DAB1: variants seen among roughly 807,000 people sequenced by gnomAD.
DAB1 encodes DAB adaptor protein 1, also known as disabled homolog 1.
Under a neutral mutation model 64.6 loss-of-function variants are expected in DAB1, and 15 were observed. The observed-to-expected ratio is 0.23, with a 90% confidence interval of 0.16 to 0.36. DAB1 has a LOEUF of 0.36. Ranked by LOEUF, DAB1 falls within the 10% of genes least tolerant of loss-of-function variation. The pLI is 1.00. For missense variants in DAB1, 596 were observed against 706.7 expected (o/e 0.84, Z 1.78); for synonymous variants, 235 against 251.9 (o/e 0.93, Z 0.64).
intron 1 of DAB1, among the ~76,000 whole-genome samples, chr1:57,326,707 G>A (rs112581687): frequency 9.2e-5 from 14 of 152,162 alleles, no homozygotes; most frequent in African/African-American, 2.6e-4. Flanking sequence ...ACTTTCTTCC[G>A]GTATCCTCAC....
At chr1:56,998,926 G>C (rs1415086640) in intron 14 of DAB1, among the ~76,000 whole-genome samples, 2 of 152,130 alleles carry the variant, frequency 1.3e-5, no homozygotes, top group African/African-American at 4.8e-5. Flanking sequence ...ATGTTGAGAT[G>C]GCTCATTGTG....
intron 2 of DAB1, among the ~76,000 whole-genome samples, chr1:57,222,211 A>G (rs1162445757): frequency 6.6e-6 from 1 of 152,214 alleles, no homozygotes; most frequent in Non-Finnish European, 1.5e-5. Context: ...CCAAGGGCAT[A>G]GTCTGTCCTT....
At chr1:58,032,169 A>AT (rs1646981876) in intron 5 of DAB1, among the ~76,000 whole-genome samples, 1 of 152,102 alleles carries the variant, frequency 6.6e-6, no homozygotes. Context: ...TGGAATCTGC[A>AT]TTTTAACAAG....
chr1:57,055,246 T>C (rs1373397411), intron 9 of DAB1, among the ~76,000 whole-genome samples: 1 of 152,192 alleles, frequency 6.6e-6, no homozygotes, highest in Non-Finnish European at 1.5e-5. Context: ...GTGGGTAGGA[T>C]TAATCCTTAT....
In DAB1 at chr1:57,683,385, A is replaced by T. The variant is rs533721539; in HGVS notation, n.552-33720T>A. ...CAGGAGTGAACCTGCTGAGTGGGTC[A>T]TCTCTCCCCACCCTCCACCACACAG... On this transcript the variant is annotated intron_variant and non_coding_transcript_variant, in intron 6 of 20. Coordinates refer to the DAB1 transcript ENST00000485760. 6.7e-4 allele frequency among the ~76,000 whole-genome samples: 102 copies of T among 152,264 alleles called. 3 individuals carry two copies. In the South Asian group the frequency reaches 0.02, roughly 30 times the overall value.
At chr1:58,246,966 A>G (rs1326060219) in intron 4 of DAB1, among the ~76,000 whole-genome samples, 1 of 152,004 alleles carries the variant, frequency 6.6e-6, no homozygotes, top group Non-Finnish European at 1.5e-5. Context: ...AGACGGCCAG[A>G]TGGTGAAAGG....
At chr1:58,269,109 A>T (rs1661248230) in intron 4 of DAB1, among the ~76,000 whole-genome samples, 1 of 149,930 alleles carries the variant, frequency 6.7e-6, no homozygotes, top group African/African-American at 2.4e-5. Flanking sequence ...GGTGCGCTGC[A>T]CCCACTAACT....
chr1:58,539,243 G>A (rs372256762), intron 1 of DAB1: 11 of 869,962 alleles, frequency 1.3e-5, no homozygotes, highest in East Asian at 2.4e-5. Flanking sequence ...GAATTAAATC[G>A]GAAGAAAACA....
chr1:57,938,083 T>C (rs1645053228), intron 5 of DAB1, among the ~76,000 whole-genome samples: 1 of 152,230 alleles, frequency 6.6e-6, no homozygotes. Context: ...AATCAGGTCC[T>C]ACTTTCATGG....
At chr1:57,498,895 T>C (rs954913538) in intron 7 of DAB1, among the ~76,000 whole-genome samples, 2 of 152,198 alleles carry the variant, frequency 1.3e-5, no homozygotes, top group African/African-American at 4.8e-5. Flanking sequence ...CGAATTGGTT[T>C]TGGCAAAGGA....
At chr1:57,830,025 T>G (rs11207120) in intron 1 of DAB1, among the ~76,000 whole-genome samples, 2,734 of 152,226 alleles carry the variant, frequency 0.018, 96 homozygotes, top group African/African-American at 0.064. Flanking sequence ...CACTCTACAC[T>G]CTCTCCTGCT....
chr1:57,725,120 C>T (rs1214908618), intron 6 of DAB1, among the ~76,000 whole-genome samples: 1 of 152,146 alleles, frequency 6.6e-6, no homozygotes, highest in African/African-American at 2.4e-5. Flanking sequence ...GTTCCCGACC[C>T]ATCATTTACT....
In DAB1 at chr1:57,639,980, C is replaced by A. The variant is rs149588444; in HGVS notation, n.625+9612G>T. ...AATAGTCAGGCTTTAGAGGCATGGG[C>A]TTTCTCTCTGGCATGTGAAGTTGGA... On this transcript the variant is annotated intron_variant and non_coding_transcript_variant, in intron 7 of 20. Transcript: ENST00000485760. Among the ~76,000 whole-genome samples, 140 of 152,248 alleles carry A rather than the reference C, an allele frequency of 9.2e-4. 1 individual carries two copies. The highest frequency in any genetic ancestry group is 3.2e-3 in the African/African-American group (135 of 41,548).
At chr1:57,107,916 A>C (rs1213541197) in intron 4 of DAB1, among the ~76,000 whole-genome samples, 2 of 152,132 alleles carry the variant, frequency 1.3e-5, no homozygotes, top group African/African-American at 4.8e-5. Context: ...TCATCTCTAA[A>C]TAGGGATAAT....
At chr1:58,313,819 A>ATGTGTGTGTGTGTGTG (rs35817738) in intron 4 of DAB1, among the ~76,000 whole-genome samples, 23 of 120,034 alleles carry the variant, frequency 1.9e-4, no homozygotes, top group African/African-American at 7.8e-4. Flanking sequence ...TTGTATCTTC[A>ATGTGTGTGTGTGTGTG]TGTGTGTGTG....
chr1:57,422,731 G>A (rs531903428), intron 1 of DAB1, among the ~76,000 whole-genome samples: 4 of 152,266 alleles, frequency 2.6e-5, no homozygotes, highest in Admixed American at 2.0e-4. Flanking sequence ...GGGGGTTGGG[G>A]GTAGTTCACA....
intron 5 of DAB1, among the ~76,000 whole-genome samples, chr1:58,015,894 G>A (rs1646731368): frequency 6.6e-6 from 1 of 152,110 alleles, no homozygotes. Context: ...TCTGCAAGGA[G>A]GACACAAGAA....
At chr1:58,411,786 G>A (rs145925669) in intron 3 of DAB1, among the ~76,000 whole-genome samples, 38 of 152,262 alleles carry the variant, frequency 2.5e-4, no homozygotes, top group African/African-American at 7.9e-4. Context: ...CTCCCAGCAC[G>A]GTAGTTACAG....
At chr1:57,062,743 G>T in intron 9 of DAB1, 141 bp downstream of exon 9, 1 of 689,028 alleles carries the variant, frequency 1.5e-6, no homozygotes, top group Non-Finnish European at 2.5e-6. Context: ...CACTGAAGAT[G>T]CCCCAGCATG....
Sources: gnomAD v4.1 joint callset for allele counts (sites outside exome capture counted in the v4.1 genomes callset) on GRCh38, gnomAD v4.1.1 for gene constraint, MANE v1.5 for transcripts, NCBI Gene and HGNC (gene_info 2026-07-23, HGNC 2026-07-21) for gene names.